PVALB: variants seen among roughly 807,000 people sequenced by gnomAD.
PVALB encodes the protein parvalbumin alpha.
A neutral mutation model predicts 10.9 loss-of-function variants in PVALB; 11 were observed. That is an observed-to-expected ratio of 1.01 (90% CI 0.63 to 1.67). The LOEUF is 1.67. PVALB is among the 40% of genes most tolerant of loss of function. PVALB has a pLI of 0.00. For synonymous variants in PVALB, 57 were observed against 50.7 expected, an observed-to-expected ratio of 1.12 and a Z score of -0.53; for missense variants, 131 against 136.2, an observed-to-expected ratio of 0.96 and a Z score of 0.19.
chr22:36,813,635 C>T lies in PVALB; in HGVS notation c.304+11G>A, dbSNP rs765490604. The stretch of plus-strand genomic sequence containing the variant: ...CACAATATGCCCAGACCCCAGGTCA[C>T]GGCTACCCACCGTCAACCCCAATTT... On this transcript the variant is annotated intron_variant, in intron 3 of 3. Transcript: ENST00000417718. 35 of 1,599,902 alleles carry T rather than the reference C, an allele frequency of 2.2e-5. No homozygotes were observed. The Middle Eastern group carries it at 5.0e-4, about 23-fold the overall frequency.
intron 1 of PVALB, 124 bp downstream of exon 1, chr22:36,816,821 G>T (rs926773900): frequency 3.9e-6 from 3 of 775,200 alleles, no homozygotes; most frequent in Middle Eastern, 3.9e-4. Context: ...CCTCGCCGGC[G>T]CCCAGCGGGA....
intron 1 of PVALB, 39 bp from the exon 2 acceptor site, chr22:36,815,274 G>A (rs755788392): frequency 6.2e-6 from 10 of 1,613,088 alleles, no homozygotes; most frequent in Non-Finnish European, 8.5e-6. Context: ...GGACCAGAAA[G>A]GCTGGTAGGG....
chr22:36,811,592 A>T (rs1939047438), intron 3 of PVALB: 1 of 459,064 alleles, frequency 2.2e-6, no homozygotes, highest in Admixed American at 2.4e-5. Flanking sequence ...GGAGGCAGGG[A>T]ACTGGGCCAG....
In PVALB at chr22:36,800,793, A is replaced by G; in HGVS notation, c.*97T>C. ...AGGGGATGGGGGAGTAAAAAATAAC[A>G]TAAACGAACTGAACAGAAATGCAGG... On this transcript the variant is annotated 3_prime_UTR_variant, in exon 4 of 4. Coordinates refer to ENST00000417718, the MANE Select transcript of PVALB (RefSeq NM_001315532.2). 4 of 1,385,252 alleles carry G rather than the reference A, an allele frequency of 2.9e-6. No homozygotes were observed. The highest frequency in any genetic ancestry group is 4.1e-6 in the Non-Finnish European group (4 of 971,922). 85.8% of individuals were successfully genotyped at this position (1,385,252 alleles called of 1,614,324 possible). A position where few individuals can be genotyped will look rare whatever the true frequency, so the allele number is the denominator to read the frequency against.
chr22:36,816,791 C>T (rs922588712), intron 1 of PVALB, among the ~76,000 whole-genome samples, 154 bp downstream of exon 1: 4 of 152,200 alleles, frequency 2.6e-5, no homozygotes, highest in African/African-American at 9.6e-5. Flanking sequence ...TGGGAACTGC[C>T]AAGGACGCCC....
At chr22:36,815,082 C>T in intron 2 of PVALB, 21 bp downstream of exon 2, 1 of 1,613,656 alleles carries the variant, frequency 6.2e-7, no homozygotes, top group Non-Finnish European at 8.5e-7. Context: ...GGCTGGGCAG[C>T]CCCTGCAGGC....
chr22:36,810,202 C>T (rs1433457432), intron 3 of PVALB, among the ~76,000 whole-genome samples: 2 of 152,160 alleles, frequency 1.3e-5, no homozygotes, highest in African/African-American at 4.8e-5. Flanking sequence ...GTTTTAAAGA[C>T]AAGGCACTTT....
At position 36,816,953 on chromosome 22, in the gene PVALB, G is replaced by A; in HGVS notation, c.53C>T (p.Ala18Val). Residue 18 changes from alanine to valine, a missense_variant, in exon 1 of 4, where the codon GCC (alanine) becomes GTC (valine). Ala to Val is a moderately conservative substitution (Grantham distance 64, BLOSUM62 0). Transcript: ENST00000417718. ...NAEDIKKAVG[A>V]FSATDSFDHK... is the part of the protein sequence containing the mutation. ...GGAGCGCGCTTGCTCACCGCTAAAG[G>A]CTCCCACCGCCTTCTTGATGTCCTC... is the stretch of plus-strand genomic sequence containing the variant. 1 of 1,607,748 alleles carries A rather than the reference G, an allele frequency of 6.2e-7. No homozygotes were observed.
Position 36,816,986 on chromosome 22 carries a change from A to G in PVALB, c.20T>C (p.Leu7Pro). The change falls in exon 1 of 4, where the codon CTG (leucine) becomes CCG (proline). Residue 7 changes from leucine (L) to proline (P), a missense_variant. Transcript: ENST00000417718. Reference sequence around the variant, plus strand: ...CGCCTTCTTGATGTCCTCAGCGTTCAGCAAGTCTGTCATCGACATCCTGCA... The same window carrying G: ...CGCCTTCTTGATGTCCTCAGCGTTCGGCAAGTCTGTCATCGACATCCTGCA... MSMTDL[L>P]NAEDIKKAVG... The G allele has an allele frequency of 6.2e-7, 1 of 1,609,918 alleles. No individual in the cohort carries two copies. Among genetic ancestry groups the G allele is most frequent in the Admixed American group, 1.7e-5 (1 of 59,766 alleles).
At chr22:36,802,222 T>C (rs1454962972) in intron 3 of PVALB, among the ~76,000 whole-genome samples, 2 of 152,154 alleles carry the variant, frequency 1.3e-5, no homozygotes, top group Non-Finnish European at 2.9e-5. Flanking sequence ...ATTTCAATTC[T>C]TCTGTATATC....
At chr22:36,801,361 G>T (rs1357370737) in intron 3 of PVALB, among the ~76,000 whole-genome samples, 2 of 152,264 alleles carry the variant, frequency 1.3e-5, no homozygotes, top group East Asian at 3.9e-4. Context: ...CCTGATTTCT[G>T]GACTTCTCTG....
Position 36,815,214 on chromosome 22 carries a change from T to C in PVALB, c.83A>G (p.Lys28Arg). The C allele has an allele frequency of 6.2e-7, 1 of 1,614,180 alleles. No homozygotes were observed. Among genetic ancestry groups the C allele is most frequent in the East Asian group, 2.2e-5 (1 of 44,886 alleles). ...CAGGCCGACCATTTGGAAGAACTTT[T>C]TGTGGTCGAAGGAGTCGGTAGCTGT... The part of the protein sequence containing the change: ...AFSATDSFDH[K>R]KFFQMVGLKK... Residue 28 changes from lysine (K) to arginine (R), a missense_variant, in exon 2 of 4, where the codon AAA (lysine) becomes AGA (arginine). Lys to Arg is a conservative substitution (Grantham distance 26, BLOSUM62 2). Coordinates refer to ENST00000417718, the MANE Select transcript of PVALB (RefSeq NM_001315532.2).
At chr22:36,817,180 C>G (rs1015903239), upstream of PVALB, 4 of 498,284 alleles carry the variant, frequency 8.0e-6, no homozygotes, top group Non-Finnish European at 1.3e-5. Flanking sequence ...TCAGTCCAGC[C>G]GCGCCGCTGA....
intron 3 of PVALB, among the ~76,000 whole-genome samples, chr22:36,808,471 T>C (rs1045087759): frequency 1.3e-5 from 2 of 152,156 alleles, no homozygotes; most frequent in African/African-American, 4.8e-5. Flanking sequence ...ACCCTGGGCA[T>C]GTCACTTCTC....
chr22:36,807,209 G>T (rs922142737), intron 3 of PVALB, among the ~76,000 whole-genome samples: 2 of 152,184 alleles, frequency 1.3e-5, no homozygotes, highest in Non-Finnish European at 2.9e-5. Flanking sequence ...CCCGGGTCCC[G>T]TTGGGCCAAG....
At chr22:36,809,035 C>A (rs1050231812) in intron 3 of PVALB, among the ~76,000 whole-genome samples, 5 of 152,170 alleles carry the variant, frequency 3.3e-5, no homozygotes, top group African/African-American at 1.2e-4. Context: ...CCTACCCCCT[C>A]CCTTCAATAC....
chr22:36,816,063 G>A (rs1449765620), intron 1 of PVALB, among the ~76,000 whole-genome samples: 1 of 152,062 alleles, frequency 6.6e-6, no homozygotes, highest in Non-Finnish European at 1.5e-5. Flanking sequence ...GTGTGTGTGT[G>A]TGTGTGTGTG....
intron 3 of PVALB, among the ~76,000 whole-genome samples, chr22:36,812,096 G>A (rs978662608): frequency 6.6e-6 from 1 of 152,174 alleles, no homozygotes; most frequent in Non-Finnish European, 1.5e-5. Flanking sequence ...CTTTCCCAAA[G>A]CAATTTTGGG....
intron 3 of PVALB, among the ~76,000 whole-genome samples, chr22:36,809,903 G>C (rs1013858343): frequency 2.9e-5 from 3 of 102,572 alleles, no homozygotes; most frequent in Admixed American, 2.5e-4. Context: ...TTTTGTTTTT[G>C]AGATGGAGTC....
Sources: allele counts gnomAD v4.1 joint callset (sites outside exome capture counted in the v4.1 genomes callset), GRCh38; gene constraint gnomAD v4.1.1; transcripts MANE v1.5; gene names NCBI Gene and HGNC (gene_info 2026-07-23, HGNC 2026-07-21).